Variants in SORCS1 observed in about 807,000 individuals in gnomAD.
The protein encoded by SORCS1 is sortilin related VPS10 domain containing receptor 1.
In SORCS1, 60 loss-of-function variants were observed where a neutral mutation model predicts 146.1. The ratio of observed to expected loss-of-function variants is 0.41; its 90% CI spans 0.33 to 0.51. The LOEUF is 0.51. Among genes scored for constraint, SORCS1 ranks in the 20% least tolerant of loss-of-function variants. The pLI is 0.21. For synonymous variants in SORCS1, 637 were observed against 584.0 expected (o/e 1.09, Z -1.31); for missense variants, 1,352 against 1,487.6 (o/e 0.91, Z 1.50).
chr10:107,075,194 T>C (rs897347848), intron 1 of SORCS1, among the ~76,000 whole-genome samples: 25 of 152,308 alleles, frequency 1.6e-4, no homozygotes, highest in African/African-American at 5.8e-4. Flanking sequence ...AATCGAGAAC[T>C]TGAGGTAATG....
intron 2 of SORCS1, among the ~76,000 whole-genome samples, chr10:106,869,110 G>A (rs1950317750): frequency 6.6e-6 from 1 of 151,972 alleles, no homozygotes. Flanking sequence ...ACAAATTTGT[G>A]GACACATACA....
chr10:106,831,699 A>T (rs1275058775), intron 2 of SORCS1, among the ~76,000 whole-genome samples: 2 of 147,110 alleles, frequency 1.4e-5, no homozygotes, highest in Non-Finnish European at 2.9e-5. Flanking sequence ...TTAAGGATTT[A>T]TTCTGGCTGG....
chr10:107,137,216 T>C (rs1213586641), intron 1 of SORCS1, among the ~76,000 whole-genome samples: 4 of 152,102 alleles, frequency 2.6e-5, no homozygotes, highest in Admixed American at 2.6e-4. Context: ...GAAGCCAACC[T>C]TGGGTGTTAT....
chr10:106,912,024 A>G (rs1952185147), intron 2 of SORCS1, among the ~76,000 whole-genome samples: 1 of 151,770 alleles, frequency 6.6e-6, no homozygotes, highest in African/African-American at 2.4e-5. Context: ...GAGACAGGAG[A>G]ATAGCGTGAA....
intron 1 of SORCS1, among the ~76,000 whole-genome samples, chr10:107,019,755 G>C (rs1390985123): frequency 1.3e-5 from 2 of 152,262 alleles, no homozygotes; most frequent in Non-Finnish European, 2.9e-5. Flanking sequence ...GTATCTGTCA[G>C]ACGTGCACTT....
intron 2 of SORCS1, among the ~76,000 whole-genome samples, chr10:106,832,387 C>G (rs559468525): frequency 2.0e-5 from 3 of 152,146 alleles, no homozygotes; most frequent in African/African-American, 7.2e-5. Flanking sequence ...TGGGGTTTCA[C>G]CATGTTGGTC....
At chr10:107,152,298 A>G (rs1418571080) in intron 1 of SORCS1, among the ~76,000 whole-genome samples, 4 of 152,042 alleles carry the variant, frequency 2.6e-5, no homozygotes, top group Non-Finnish European at 4.4e-5. Context: ...CTCATGGAGA[A>G]CCTCTGCTAG....
chr10:107,146,403 G>T (rs1038247523), intron 1 of SORCS1, among the ~76,000 whole-genome samples: 1 of 152,180 alleles, frequency 6.6e-6, no homozygotes, highest in Non-Finnish European at 1.5e-5. Flanking sequence ...CCTAACGAAT[G>T]AGTTAGCTTT....
intron 4 of SORCS1, among the ~76,000 whole-genome samples, chr10:106,764,645 A>G (rs1482442539): frequency 6.6e-6 from 1 of 152,322 alleles, no homozygotes; most frequent in Non-Finnish European, 1.5e-5. Flanking sequence ...AGAAAGATAG[A>G]AAGATTAGGA....
intron 6 of SORCS1, among the ~76,000 whole-genome samples, chr10:106,724,096 G>C (rs1273149469): frequency 6.6e-6 from 1 of 152,096 alleles, no homozygotes; most frequent in Non-Finnish European, 1.5e-5. Flanking sequence ...ACTGTATTAT[G>C]ATATAAAAAT....
chr10:107,106,271 A>G lies in SORCS1; in HGVS notation c.558+57698T>C, dbSNP rs544770324. ...GGCAAAAGCAAGATGCTTTTCCCCA[A>G]TAGTAATCATGCGATAAGTTAATCA... On this transcript the variant is annotated intron_variant, in intron 1 of 25. Coordinates refer to ENST00000263054, the MANE Select transcript of SORCS1 (RefSeq NM_052918.5). 2.0e-5 allele frequency among the ~76,000 whole-genome samples: 3 copies of G among 152,344 alleles called. No homozygotes were observed. The East Asian group carries it at 5.8e-4, about 29-fold the overall frequency.
chr10:106,917,611 G>A (rs1411866202), intron 2 of SORCS1, among the ~76,000 whole-genome samples: 1 of 152,202 alleles, frequency 6.6e-6, no homozygotes, highest in African/African-American at 2.4e-5. Flanking sequence ...CTAGATGCCA[G>A]TAGCATCTTC....
chr10:106,803,715 G>A (rs1321165052), intron 3 of SORCS1, among the ~76,000 whole-genome samples: 1 of 152,164 alleles, frequency 6.6e-6, no homozygotes, highest in Non-Finnish European at 1.5e-5. Flanking sequence ...TGAAGGTTAT[G>A]AACAACTGAT....
intron 1 of SORCS1, among the ~76,000 whole-genome samples, chr10:107,074,570 A>G (rs1218856458): frequency 1.3e-5 from 2 of 152,204 alleles, no homozygotes; most frequent in Non-Finnish European, 2.9e-5. Flanking sequence ...CAAGGAGTGC[A>G]ATTGCTGGAT....
chr10:106,666,383 G>C (rs1212789260), intron 17 of SORCS1, among the ~76,000 whole-genome samples: 1 of 152,098 alleles, frequency 6.6e-6, no homozygotes, highest in Non-Finnish European at 1.5e-5. Flanking sequence ...AGGTCTGCTG[G>C]CCTTTGGACT....
At chr10:106,772,234 A>G (rs573272591) in intron 4 of SORCS1, among the ~76,000 whole-genome samples, 23 of 152,278 alleles carry the variant, frequency 1.5e-4, no homozygotes, top group African/African-American at 5.5e-4. Flanking sequence ...TGGGATATCC[A>G]TCTGTCTCCC....
chr10:107,101,335 C>T (rs779342115), intron 1 of SORCS1, among the ~76,000 whole-genome samples: 10 of 152,208 alleles, frequency 6.6e-5, no homozygotes, highest in Admixed American at 2.0e-4. Context: ...CGTGAGCCAC[C>T]GTGCCCGGTC....
intron 1 of SORCS1, among the ~76,000 whole-genome samples, chr10:107,107,546 G>A (rs1446228436): frequency 6.6e-6 from 1 of 152,204 alleles, no homozygotes; most frequent in Non-Finnish European, 1.5e-5. Context: ...ATAGTTAAGT[G>A]TGAAAGAAAT....
intron 3 of SORCS1, among the ~76,000 whole-genome samples, chr10:106,800,266 AAAGT>A (rs1241481435): frequency 6.6e-6 from 1 of 152,178 alleles, no homozygotes; most frequent in Non-Finnish European, 1.5e-5. Context: ...CCCACCAAGG[AAAGT>A]AATTGGTCAT....
Sources: allele counts gnomAD v4.1 joint callset (sites outside exome capture counted in the v4.1 genomes callset), GRCh38; gene constraint gnomAD v4.1.1; transcripts MANE v1.5; gene names NCBI Gene and HGNC (gene_info 2026-07-23, HGNC 2026-07-21).